Variants in IQCM observed in about 807,000 individuals in gnomAD.
The protein encoded by IQCM is IQ domain-containing protein M.
In IQCM, 45 loss-of-function variants were observed where a neutral mutation model predicts 57.6. That is an observed-to-expected ratio of 0.78 (90% CI 0.62 to 1.00). IQCM has a LOEUF of 1.00. Ranked by LOEUF, IQCM falls within the 50% of genes least tolerant of loss-of-function variation. The probability of loss-of-function intolerance (pLI) is 0.00; values close to 1 mark genes in which losing one functional copy is unlikely to be tolerated. For missense variants in IQCM, 468 were observed against 511.6 expected (o/e 0.91, Z 0.82); for synonymous variants, 148 against 158.9 (o/e 0.93, Z 0.51).
intron 13 of IQCM, among the ~76,000 whole-genome samples, chr4:149,357,157 G>C (rs1340201016): frequency 6.6e-6 from 1 of 152,044 alleles, no homozygotes; most frequent in Non-Finnish European, 1.5e-5. Flanking sequence ...TGAGACAATG[G>C]GGTTTTCTAG....
chr4:149,650,104 C>T (rs945134951), intron 7 of IQCM, among the ~76,000 whole-genome samples: 2 of 152,098 alleles, frequency 1.3e-5, no homozygotes, highest in African/African-American at 4.8e-5. Context: ...GACGTTCTAA[C>T]TTTGATACCT....
intron 5 of IQCM, among the ~76,000 whole-genome samples, chr4:149,707,595 C>T (rs1764253430): frequency 6.6e-6 from 1 of 152,004 alleles, no homozygotes; most frequent in Non-Finnish European, 1.5e-5. Context: ...CCCAAGCTCA[C>T]ATCTCTCAAC....
intron 2 of IQCM, among the ~76,000 whole-genome samples, chr4:149,756,998 C>T (rs926977841): frequency 1.3e-5 from 2 of 152,222 alleles, no homozygotes; most frequent in Admixed American, 6.5e-5. Context: ...GTGGCTCACG[C>T]CTGTAATCCC....
chr4:149,781,918 G>C (rs547792154), intron 2 of IQCM, among the ~76,000 whole-genome samples: 25 of 152,050 alleles, frequency 1.6e-4, no homozygotes, highest in Non-Finnish European at 3.1e-4. Flanking sequence ...ACACTGAGTA[G>C]GAGAAACAAT....
chr4:149,513,797 G>A (rs1049529250), intron 12 of IQCM, among the ~76,000 whole-genome samples: 2 of 152,100 alleles, frequency 1.3e-5, no homozygotes, highest in African/African-American at 4.8e-5. Flanking sequence ...AGGGAACATT[G>A]GTTGTTGAAA....
chr4:149,355,746 T>C (rs1178031650), intron 13 of IQCM, among the ~76,000 whole-genome samples: 2 of 152,156 alleles, frequency 1.3e-5, no homozygotes, highest in Non-Finnish European at 2.9e-5. Flanking sequence ...TATAATCCTT[T>C]GGGTATATAC....
chr4:149,615,548 A>C (rs1190084549), intron 8 of IQCM, among the ~76,000 whole-genome samples: 1 of 152,334 alleles, frequency 6.6e-6, no homozygotes, highest in African/African-American at 2.4e-5. Context: ...GCAGAAGTGA[A>C]ACGTTTAAAG....
chr4:149,757,316 CA>C (rs1769069073), intron 2 of IQCM, among the ~76,000 whole-genome samples: 1 of 151,506 alleles, frequency 6.6e-6, no homozygotes, highest in Non-Finnish European at 1.5e-5. Flanking sequence ...GGAAGATAAG[CA>C]GAAACCTAAA....
At chr4:149,409,035 A>G (rs543801666) in intron 13 of IQCM, among the ~76,000 whole-genome samples, 6 of 152,214 alleles carry the variant, frequency 3.9e-5, no homozygotes, top group Non-Finnish European at 7.3e-5. Flanking sequence ...AATGATCAAC[A>G]ACTCTCCATA....
At chr4:149,515,774 C>T (rs1744895134) in intron 12 of IQCM, among the ~76,000 whole-genome samples, 1 of 152,106 alleles carries the variant, frequency 6.6e-6, no homozygotes, top group Non-Finnish European at 1.5e-5. Flanking sequence ...AATGGTTTGG[C>T]TGGATGGTCA....
intron 10 of IQCM, among the ~76,000 whole-genome samples, chr4:149,558,771 G>T (rs1749833863): frequency 6.6e-6 from 1 of 152,076 alleles, no homozygotes; most frequent in Non-Finnish European, 1.5e-5. Flanking sequence ...AGATGAGAGG[G>T]TTTTACATTC....
At chr4:149,568,567 A>G (rs1750852834) in intron 9 of IQCM, among the ~76,000 whole-genome samples, 1 of 152,100 alleles carries the variant, frequency 6.6e-6, no homozygotes, top group Admixed American at 6.6e-5. Context: ...CAGGTGGATC[A>G]TTTGAATCCA....
At chr4:149,358,721 G>A (rs1479908403) in intron 13 of IQCM, among the ~76,000 whole-genome samples, 2 of 152,010 alleles carry the variant, frequency 1.3e-5, no homozygotes, top group Non-Finnish European at 2.9e-5. Context: ...AAAAACAAGT[G>A]AAATCAGTAA....
At chr4:149,765,790 T>A (rs568433697) in intron 2 of IQCM, among the ~76,000 whole-genome samples, 3 of 152,096 alleles carry the variant, frequency 2.0e-5, no homozygotes, top group Non-Finnish European at 2.9e-5. Context: ...ACTATCTTGG[T>A]CTTTGAGTTA....
intron 5 of IQCM, among the ~76,000 whole-genome samples, chr4:149,713,484 C>T (rs1208852651): frequency 6.6e-6 from 1 of 152,186 alleles, no homozygotes. Flanking sequence ...ATAACACTAA[C>T]ACTAACCCAA....
At chr4:149,518,400 T>C (rs1745216652) in intron 12 of IQCM, among the ~76,000 whole-genome samples, 1 of 152,208 alleles carries the variant, frequency 6.6e-6, no homozygotes, top group Non-Finnish European at 1.5e-5. Context: ...TTTAAGTTTA[T>C]TCCTTTGAGT....
At chr4:149,791,982 G>A (rs1299164377) in intron 2 of IQCM, among the ~76,000 whole-genome samples, 1 of 152,124 alleles carries the variant, frequency 6.6e-6, no homozygotes, top group Non-Finnish European at 1.5e-5. Flanking sequence ...TTGACATCAA[G>A]AGTAGGCTAA....
At chr4:149,615,212 CT>C (rs1755681983) in intron 8 of IQCM, among the ~76,000 whole-genome samples, 1 of 151,916 alleles carries the variant, frequency 6.6e-6, no homozygotes, top group African/African-American at 2.4e-5. Context: ...GTTAGCAAAC[CT>C]TTTAAAGAAG....
chr4:149,500,957 C>A (rs1377567035), intron 12 of IQCM, among the ~76,000 whole-genome samples: 1 of 152,128 alleles, frequency 6.6e-6, no homozygotes, highest in Admixed American at 6.6e-5. Flanking sequence ...GAGGTTGTTT[C>A]CTTTGGCAAT....
Sources: gnomAD v4.1 joint callset for allele counts (sites outside exome capture counted in the v4.1 genomes callset) on GRCh38, gnomAD v4.1.1 for gene constraint, MANE v1.5 for transcripts, NCBI Gene and HGNC (gene_info 2026-07-23, HGNC 2026-07-21) for gene names.